XRN1: variants seen among roughly 807,000 people sequenced by gnomAD.
The protein encoded by XRN1 is strand-exchange protein 1 homolog.
Under a neutral mutation model 222.3 loss-of-function variants are expected in XRN1, and 67 were observed. That is an observed-to-expected ratio of 0.30 (90% CI 0.25 to 0.37). The LOEUF (loss-of-function observed/expected upper bound fraction) is 0.37, where lower values mean the gene tolerates loss of function less well. XRN1 is among the 10% of genes least tolerant of loss of function. XRN1 has a pLI of 1.00. For synonymous variants in XRN1, 643 were observed against 652.4 expected, an observed-to-expected ratio of 0.99 and a Z score of 0.22; for missense variants, 1,707 against 2,000.2, an observed-to-expected ratio of 0.85 and a Z score of 2.80.
intron 32 of XRN1, among the ~76,000 whole-genome samples, chr3:142,350,914 C>T (rs2066285638): frequency 6.6e-6 from 1 of 151,938 alleles, no homozygotes; most frequent in Non-Finnish European, 1.5e-5. Flanking sequence ...ATATTAAGTA[C>T]CCAAGTGGAG....
In XRN1 at chr3:142,412,492, T is replaced by C. The variant is rs372088943; in HGVS notation, c.1713+52A>G. 19 of 1,478,388 alleles carry C rather than the reference T, an allele frequency of 1.3e-5. No homozygotes were observed. The African/African-American group carries it at 2.2e-4, about 17-fold the overall frequency. 91.6% of individuals were successfully genotyped at this position (1,478,388 alleles called of 1,614,324 possible). A position where few individuals can be genotyped will look rare whatever the true frequency, so the allele number is the denominator to read the frequency against. ...CCATTGCTCATTAACCTATGTGAAATAGTCTCTGATTAAGAATGTATGTGT... is the reference window on the plus strand; with the variant it reads ...CCATTGCTCATTAACCTATGTGAAACAGTCTCTGATTAAGAATGTATGTGT... On this transcript the variant is annotated intron_variant, in intron 15 of 40. Transcript: ENST00000392981.
At chr3:142,374,409 G>C (rs977895065) in intron 25 of XRN1, among the ~76,000 whole-genome samples, 1 of 152,104 alleles carries the variant, frequency 6.6e-6, no homozygotes, top group Non-Finnish European at 1.5e-5. Flanking sequence ...CACAGAATTT[G>C]TTATGTGAAC....
At position 142,384,630 on chromosome 3, in the gene XRN1, G is replaced by C; in HGVS notation, c.2395C>G (p.Gln799Glu). 4.3e-6 allele frequency: 7 copies of C among 1,609,894 alleles called. No individual in the cohort carries two copies. The highest frequency in any genetic ancestry group is 5.9e-6 in the Non-Finnish European group (7 of 1,178,210). ...INETSAVVYA[Q>E]LLTGRKYQIN... ...TGATATTTACGACCTGTGAGTAACT[G>C]AGCATACACAACTGCAGATGTTTCA... Residue 799 changes from glutamine (Q) to glutamate (E), a missense_variant, in exon 21 of 41, where the codon CAG becomes GAG. Gln to Glu is a conservative substitution (Grantham distance 29). Coordinates refer to ENST00000392981, the MANE Select transcript of XRN1 (RefSeq NM_001282857.2).
At chr3:142,440,041 A>C (rs1162060464) in intron 1 of XRN1, among the ~76,000 whole-genome samples, 1 of 152,130 alleles carries the variant, frequency 6.6e-6, no homozygotes, top group Non-Finnish European at 1.5e-5. Flanking sequence ...CAGCAGCAGG[A>C]CTGAGGGTGC....
At chr3:142,378,070 G>GA (rs1457527866) in intron 23 of XRN1, among the ~76,000 whole-genome samples, 54 of 150,396 alleles carry the variant, frequency 3.6e-4, no homozygotes, top group African/African-American at 3.7e-4. Flanking sequence ...ACTATTAGTG[G>GA]AAAAAAAAAG....
At chr3:142,425,779 A>C (rs1252664393) in intron 3 of XRN1, among the ~76,000 whole-genome samples, 1 of 152,110 alleles carries the variant, frequency 6.6e-6, no homozygotes, top group Non-Finnish European at 1.5e-5. Context: ...TCACACAGGG[A>C]AAGTCAAGGA....
intron 1 of XRN1, among the ~76,000 whole-genome samples, chr3:142,433,111 T>C (rs1259707714): frequency 6.6e-6 from 1 of 152,166 alleles, no homozygotes; most frequent in East Asian, 1.9e-4. Flanking sequence ...CTTGATCAAA[T>C]TTACTGTCAG....
At chr3:142,417,305 T>C (rs993981031) in intron 12 of XRN1, 76 bp from the exon 13 acceptor site, 31 of 1,103,600 alleles carry the variant, frequency 2.8e-5, no homozygotes, top group Non-Finnish European at 4.1e-5. Flanking sequence ...TATCTGCTGA[T>C]ACAACATTTT....
rs146752061 is a variant in XRN1, at chr3:142,312,849, C to CT, written c.4622-92dup. 7.2e-3 allele frequency: 9,584 copies of CT among 1,325,084 alleles called. 50 individuals are homozygous for CT. Among genetic ancestry groups the CT allele is most frequent in the Non-Finnish European group, 7.2e-3 (6,930 of 966,410 alleles). The allele number at this position is 1,325,084 out of a possible 1,614,324, so 82.1% of individuals were successfully genotyped here. On this transcript the variant is annotated intron_variant, in intron 39 of 40. Coordinates refer to ENST00000392981, the MANE Select transcript of XRN1 (RefSeq NM_001282857.2). ...ACCTCCTTCTGCTAGCCTTTTTGGG[C>CT]TTTTTTTTTCCCCTTTGGCAAAAGG...
intron 18 of XRN1, among the ~76,000 whole-genome samples, chr3:142,403,034 AAATT>A (rs1326717690): frequency 6.6e-6 from 1 of 152,210 alleles, no homozygotes; most frequent in Non-Finnish European, 1.5e-5. Flanking sequence ...TACTGCCACC[AAATT>A]AATCTTTATG....
chr3:142,411,321 ATTGT>A (rs2068569860), intron 15 of XRN1, among the ~76,000 whole-genome samples: 1 of 151,842 alleles, frequency 6.6e-6, no homozygotes, highest in Non-Finnish European at 1.5e-5. Context: ...ATTATTCTCC[ATTGT>A]TTGTTCATTT....
rs755649212 is a variant in XRN1, at chr3:142,421,506, T to C, written c.1005A>G (p.Arg335=). The change falls in exon 9 of 41, where the codon CGA becomes CGG. Residue 335 remains arginine (R), a synonymous_variant. Transcript: ENST00000392981. The stretch of plus-strand genomic sequence containing the variant: ...ATAGTTTCACAAGGTATTTCTCAAA[T>C]CGAGGTAAGTTGAGGTGCCCACTTT... ...INESGHLNLP[R]FEKYLVKLSD... is the part of the protein sequence containing the mutation. 2 of 1,610,564 alleles carry C rather than the reference T, an allele frequency of 1.2e-6. No individual in the cohort carries two copies. Among genetic ancestry groups the C allele is most frequent in the South Asian group, 2.2e-5 (2 of 90,288 alleles).
At position 142,407,436 on chromosome 3, in the gene XRN1, TC is replaced by T. The variant is rs558149853; in HGVS notation, c.1714-2361del. Among the ~76,000 whole-genome samples, 481 of 152,236 alleles carry T rather than the reference TC, an allele frequency of 3.2e-3. 2 individuals carry two copies. The highest frequency in any genetic ancestry group is 9.5e-3 in the African/African-American group (395 of 41,530). On this transcript the variant is annotated intron_variant, in intron 15 of 40. Transcript: ENST00000392981. ...CCTCCACCTCCTGGGTTCAAGCAAT[TC>T]CCATGCCTCAGCCTCCTGAGTAGCT... is the stretch of plus-strand genomic sequence containing the variant.
At chr3:142,417,257 A>G (rs1173447418) in intron 12 of XRN1, 28 bp from the exon 13 acceptor site, 2 of 1,602,452 alleles carry the variant, frequency 1.2e-6, no homozygotes, top group Non-Finnish European at 1.7e-6. Flanking sequence ...TCATTATAAC[A>G]TATTTTCTGA....
chr3:142,378,220 TGA>T (rs1483180043), intron 23 of XRN1, among the ~76,000 whole-genome samples: 1 of 152,194 alleles, frequency 6.6e-6, no homozygotes, highest in Admixed American at 6.5e-5. Flanking sequence ...AAATTTTTGG[TGA>T]GAAAGTCCTA....
In XRN1 at chr3:142,414,737, C is replaced by T. The variant is rs372971207; in HGVS notation, c.1437-446G>A. ...GTCTCAATCTCCTGATCTCGTGATC[C>T]GCCCGCCTCGGCCTCCCAAAGTGCT... On this transcript the variant is annotated intron_variant, in intron 13 of 40. Coordinates refer to ENST00000392981, the MANE Select transcript of XRN1 (RefSeq NM_001282857.2). 3.9e-5 allele frequency among the ~76,000 whole-genome samples: 6 copies of T among 152,238 alleles called. No homozygotes were observed. The East Asian group carries it at 7.7e-4, about 20-fold the overall frequency.
chr3:142,432,785 T>C lies in XRN1; in HGVS notation c.184A>G (p.Thr62Ala). 1 of 1,613,956 alleles carries C rather than the reference T, an allele frequency of 6.2e-7. No homozygotes were observed. The highest frequency in any genetic ancestry group is 8.5e-7 in the Non-Finnish European group (1 of 1,179,998). The change falls in exon 2 of 41, where the codon ACT becomes GCT. Residue 62 changes from threonine (T) to alanine (A), a missense_variant. By Grantham distance (58) the Thr-to-Ala change is moderately conservative. Coordinates refer to ENST00000392981, the MANE Select transcript of XRN1 (RefSeq NM_001282857.2). ...HFRISDDKIF[T>A]DIFHYLEVLF... ...ACCTCCAGGTAGTGAAAAATATCAG[T>C]AAAGATTTTATCATCTGAAATTCTA...
chr3:142,348,950 C>A (rs2066230036), intron 32 of XRN1, among the ~76,000 whole-genome samples: 1 of 149,968 alleles, frequency 6.7e-6, no homozygotes, highest in Non-Finnish European at 1.5e-5. Context: ...CAAGGCTCTT[C>A]AGTTTTGTTT....
chr3:142,356,773 A>T, intron 31 of XRN1, 139 bp downstream of exon 31: 1 of 775,642 alleles, frequency 1.3e-6, no homozygotes, highest in Non-Finnish European at 2.0e-6. Context: ...CTAGTATCTT[A>T]AATTTGGAAT....
Sources: allele counts gnomAD v4.1 joint callset (sites outside exome capture counted in the v4.1 genomes callset), GRCh38; gene constraint gnomAD v4.1.1; transcripts MANE v1.5; gene names NCBI Gene and HGNC (gene_info 2026-07-23, HGNC 2026-07-21).